PDZD9: variants seen among roughly 807,000 people sequenced by gnomAD.
PDZD9 encodes the protein PDZ domain containing 9.
PDZD9 carries 13 observed loss-of-function variants against 16.3 expected under a neutral mutation model. The ratio of observed to expected loss-of-function variants is 0.80; its 90% CI spans 0.52 to 1.27. PDZD9 has a LOEUF of 1.27. PDZD9 is among the 50% of genes most tolerant of loss of function. The probability of loss-of-function intolerance (pLI) is 0.00; values close to 1 mark genes in which losing one functional copy is unlikely to be tolerated. For missense variants in PDZD9, 288 were observed against 310.9 expected (o/e 0.93, Z 0.55); for synonymous variants, 120 against 111.0 (o/e 1.08, Z -0.51).
In PDZD9 at chr16:21,997,793, C is replaced by A. The variant is rs1231030452; in HGVS notation, c.32-1292G>T. On this transcript the variant is annotated intron_variant, in intron 1 of 3. Coordinates refer to ENST00000424898, the MANE Select transcript of PDZD9 (RefSeq NM_001363519.1). ...CTCCTTTTCGGTACACAGGAAGCTC[C>A]TGGGGAGATCTGTTTTCAGCACACT... Among the ~76,000 whole-genome samples, 4 of 152,286 alleles carry A rather than the reference C, an allele frequency of 2.6e-5. No individual in the cohort carries two copies. The East Asian group carries it at 5.8e-4, about 22-fold the overall frequency.
In PDZD9 at chr16:21,984,399, T is replaced by C. The variant is rs1194558059; in HGVS notation, c.663A>G (p.Pro221=). ...DDKKEVRAPS[P]YWIMVKQDNE... The stretch of plus-strand genomic sequence containing the variant: ...TGTCTTGCTTCACCATTATCCAGTA[T>C]GGAGAAGGGGCCCTCACTTCTTTCT... The change falls in exon 4 of 4, where the codon CCA becomes CCG. Residue 221 remains proline, a synonymous_variant. Coordinates refer to ENST00000424898, the MANE Select transcript of PDZD9 (RefSeq NM_001363519.1). 6 of 1,614,058 alleles carry C rather than the reference T, an allele frequency of 3.7e-6. No homozygotes were observed. The African/African-American group carries it at 4.0e-5, about 11-fold the overall frequency.
At chr16:21,962,995 A>T in the PDZD9 span, 59 of 1,342,122 alleles carry the variant, frequency 4.4e-5, no homozygotes, top group Non-Finnish European at 5.8e-5. Context: ...ATTTTTATTT[A>T]TTTATTGTTT....
At chr16:21,974,905 C>G in the PDZD9 span, among the ~76,000 whole-genome samples, 18 of 152,212 alleles carry the variant, frequency 1.2e-4, no homozygotes, top group East Asian at 1.5e-3. Context: ...GAGGCTAAGT[C>G]ATGTTTTGAC....
chr16:21,972,006 A>G, the PDZD9 span: 2 of 1,614,120 alleles, frequency 1.2e-6, no homozygotes, highest in Non-Finnish European at 1.7e-6. Flanking sequence ...TGCAGAGGCA[A>G]ATGCATTTAG....
At chr16:21,999,467 A>C (rs1323132490) in intron 1 of PDZD9, 1 of 152,476 alleles carries the variant, frequency 6.6e-6, no homozygotes. Context: ...GTTTTGCTAC[A>C]AGGCTAGTCA....
At chr16:21,983,201 G>T (rs1898779040), downstream of PDZD9, 1 of 1,581,770 alleles carries the variant, frequency 6.3e-7, no homozygotes. Context: ...GGAGAGAGCT[G>T]AACGTTCTCT....
intron 1 of PDZD9, chr16:21,999,189 G>A (rs183673937): frequency 2.3e-5 from 4 of 174,428 alleles, no homozygotes; most frequent in African/African-American, 9.5e-5. Flanking sequence ...TCTTCACACA[G>A]TGCATGCTCA....
the PDZD9 span, chr16:21,959,317 T>C: frequency 3.3e-5 from 7 of 215,384 alleles, no homozygotes; most frequent in Non-Finnish European, 5.8e-5. Context: ...TTATGTAATA[T>C]TCTTTTTTAT....
chr16:21,962,751 T>A, the PDZD9 span: 1 of 1,613,988 alleles, frequency 6.2e-7, no homozygotes, highest in Admixed American at 1.7e-5. Flanking sequence ...TATCTCGATG[T>A]CTTCTGTAGT....
chr16:21,968,955 T>C, the PDZD9 span, among the ~76,000 whole-genome samples: 1 of 152,220 alleles, frequency 6.6e-6, no homozygotes, highest in Admixed American at 6.5e-5. Context: ...AAAGAGCTTT[T>C]ACAAACTTTT....
At position 21,993,013 on chromosome 16, in the gene PDZD9, G is replaced by A. The variant is rs569882734; in HGVS notation, c.211+3309C>T. On this transcript the variant is annotated intron_variant, in intron 2 of 3. Coordinates refer to ENST00000424898, the MANE Select transcript of PDZD9 (RefSeq NM_001363519.1). ...TCACACACTCACACTCCCTCCTGCC[G>A]CCTTGTGAAGAAAATGCCTGATTCC... Among the ~76,000 whole-genome samples the A allele has an allele frequency of 6.6e-5, 10 of 152,158 alleles. No homozygotes were observed. The South Asian group carries it at 1.7e-3, about 25-fold the overall frequency.
chr16:21,983,036 T>G, downstream of PDZD9: 1 of 1,504,224 alleles, frequency 6.6e-7, no homozygotes, highest in Non-Finnish European at 9.2e-7. Flanking sequence ...GCCTGCTTGA[T>G]GATATATATT....
the PDZD9 span, chr16:21,968,597 A>G: frequency 6.4e-7 from 1 of 1,568,830 alleles, no homozygotes; most frequent in Non-Finnish European, 8.7e-7. Context: ...TTATGCTAAT[A>G]TAACCTAATA....
the PDZD9 span, among the ~76,000 whole-genome samples, chr16:21,975,911 A>G: frequency 6.6e-6 from 1 of 152,214 alleles, no homozygotes; most frequent in African/African-American, 2.4e-5. Context: ...CTAAAAAATT[A>G]GCCAGGCCTG....
At chr16:21,961,068 T>C in the PDZD9 span, among the ~76,000 whole-genome samples, 6 of 152,150 alleles carry the variant, frequency 3.9e-5, no homozygotes, top group Non-Finnish European at 5.9e-5. Context: ...TGGCCTCAGG[T>C]GATCCTCTCA....
chr16:21,972,691 G>A, the PDZD9 span, among the ~76,000 whole-genome samples: 6 of 151,856 alleles, frequency 4.0e-5, no homozygotes, highest in African/African-American at 1.2e-4. Context: ...CCTGGCCAAC[G>A]TGGTGAAACC....
At position 21,984,176 on chromosome 16, in the gene PDZD9, G is replaced by T; in HGVS notation, c.*91C>A. 7.2e-7 allele frequency: 1 copy of T among 1,390,072 alleles called. No homozygotes were observed. Among genetic ancestry groups the T allele is most frequent in the Non-Finnish European group, 9.8e-7 (1 of 1,015,970 alleles). The allele number at this position is 1,390,072 out of a possible 1,614,324, so 86.1% of individuals were successfully genotyped here. A position where few individuals can be genotyped will look rare whatever the true frequency, so the allele number is the denominator to read the frequency against. On this transcript the variant is annotated 3_prime_UTR_variant, in exon 4 of 4. Coordinates refer to ENST00000424898, the MANE Select transcript of PDZD9 (RefSeq NM_001363519.1). ...AGAGAAGAGAATTGGTGAGTCTACA[G>T]ACAGTCCTTGATAAGTACAGCAAAC...
the PDZD9 span, chr16:21,971,875 G>A: frequency 6.2e-7 from 1 of 1,607,888 alleles, no homozygotes; most frequent in African/African-American, 1.3e-5. Context: ...TGAAACCAAT[G>A]GTGAACAAGC....
the PDZD9 span, among the ~76,000 whole-genome samples, chr16:21,964,426 T>C: frequency 6.6e-6 from 1 of 152,168 alleles, no homozygotes; most frequent in Non-Finnish European, 1.5e-5. Context: ...GCCTTCTTAT[T>C]ATCTATGGGA....
Sources: gnomAD v4.1 joint callset for allele counts (sites outside exome capture counted in the v4.1 genomes callset) on GRCh38, gnomAD v4.1.1 for gene constraint, MANE v1.5 for transcripts, NCBI Gene and HGNC (gene_info 2026-07-23, HGNC 2026-07-21) for gene names.